The following PDE4B variants were observed in gnomAD, a reference collection of about 807,000 sequenced individuals.
The protein encoded by PDE4B is phosphodiesterase 4B, also known as 3',5'-cyclic-AMP phosphodiesterase 4B.
In PDE4B, 20 loss-of-function variants were observed where a neutral mutation model predicts 82.2. The ratio of observed to expected loss-of-function variants is 0.24; its 90% CI spans 0.17 to 0.35. PDE4B has a LOEUF of 0.35. PDE4B is among the 10% of genes least tolerant of loss of function. PDE4B has a pLI of 1.00. For synonymous variants in PDE4B, 320 were observed against 318.9 expected, an observed-to-expected ratio of 1.00 and a Z score of -0.04; for missense variants, 655 against 907.2, an observed-to-expected ratio of 0.72 and a Z score of 3.57.
intron 3 of PDE4B, among the ~76,000 whole-genome samples, chr1:66,223,398 G>A (rs754317121): frequency 3.9e-5 from 6 of 152,204 alleles, no homozygotes; most frequent in Admixed American, 2.6e-4. Context: ...GAGGCCATCA[G>A]AACTAGCTCC....
chr1:66,154,444 G>A (rs1188399393), intron 3 of PDE4B, among the ~76,000 whole-genome samples: 1 of 152,176 alleles, frequency 6.6e-6, no homozygotes, highest in African/African-American at 2.4e-5. Flanking sequence ...AGGGCAAAGA[G>A]AAGAGAAGAG....
At chr1:66,331,284 G>A (rs1660088214) in intron 7 of PDE4B, among the ~76,000 whole-genome samples, 1 of 152,136 alleles carries the variant, frequency 6.6e-6, no homozygotes, top group African/African-American at 2.4e-5. Context: ...AGTGCCTATT[G>A]TGTGTTTGTA....
intron 1 of PDE4B, among the ~76,000 whole-genome samples, chr1:65,858,829 G>A (rs12129719): frequency 0.43 from 65,786 of 151,854 alleles, 16,152 homozygotes; most frequent in Non-Finnish European, 0.56. Context: ...GACCATTCTG[G>A]TGGCCTTTGT....
intron 7 of PDE4B, chr1:66,267,512 G>A (rs1429806435): frequency 1.3e-5 from 2 of 152,156 alleles, no homozygotes; most frequent in Non-Finnish European, 2.9e-5. Context: ...CAAACATTAG[G>A]AGAATATGTA....
intron 3 of PDE4B, among the ~76,000 whole-genome samples, chr1:66,020,890 T>C (rs60926829): frequency 0.021 from 3,218 of 152,278 alleles, 115 homozygotes; most frequent in African/African-American, 0.073. Context: ...GGAATCGCCA[T>C]ACTGTCTTCC....
intron 1 of PDE4B, among the ~76,000 whole-genome samples, chr1:65,809,850 G>C (rs1188655639): frequency 6.6e-6 from 1 of 152,216 alleles, no homozygotes; most frequent in Non-Finnish European, 1.5e-5. Context: ...CAGCATTAAT[G>C]ATCATTTTTA....
At position 66,106,143 on chromosome 1, in the gene PDE4B, G is replaced by T. The variant is rs201457733; in HGVS notation, c.282-141317G>T. 7.9e-5 allele frequency among the ~76,000 whole-genome samples: 12 copies of T among 152,220 alleles called. No homozygotes were observed. In the East Asian group the frequency reaches 2.3e-3, roughly 29 times the overall value. ...ATACCTAATTTATTGAGAGTTTTTA[G>T]CATGAAGCATTGTTGAATTTTGTCA... On this transcript the variant is annotated intron_variant, in intron 3 of 16. Coordinates refer to ENST00000341517, the MANE Select transcript of PDE4B (RefSeq NM_002600.4).
chr1:65,978,833 A>T (rs1650542688), intron 3 of PDE4B, among the ~76,000 whole-genome samples: 1 of 152,218 alleles, frequency 6.6e-6, no homozygotes, highest in South Asian at 2.1e-4. Flanking sequence ...ATGCAGATTT[A>T]TAGGTCTCTC....
intron 3 of PDE4B, among the ~76,000 whole-genome samples, chr1:66,053,762 G>A (rs1427124483): frequency 6.6e-6 from 1 of 152,184 alleles, no homozygotes; most frequent in East Asian, 1.9e-4. Flanking sequence ...GGGAGGCTGA[G>A]GCAGGAGAAT....
At chr1:66,021,985 T>C (rs962852099) in intron 3 of PDE4B, among the ~76,000 whole-genome samples, 7 of 152,198 alleles carry the variant, frequency 4.6e-5, no homozygotes, top group South Asian at 2.1e-4. Context: ...TCTTTTATTT[T>C]GTTGAGCAGT....
chr1:66,312,768 G>A (rs1323336685), intron 7 of PDE4B, among the ~76,000 whole-genome samples: 2 of 152,178 alleles, frequency 1.3e-5, no homozygotes, highest in East Asian at 1.9e-4. Context: ...CAAATAAAGT[G>A]TTACTGGAAC....
At chr1:66,211,028 A>C (rs1318294588) in intron 3 of PDE4B, among the ~76,000 whole-genome samples, 1 of 152,192 alleles carries the variant, frequency 6.6e-6, no homozygotes, top group African/African-American at 2.4e-5. Context: ...CTTGCCTTCT[A>C]ATTATGACAT....
chr1:66,346,079 TG>T (rs1661374169), intron 8 of PDE4B, among the ~76,000 whole-genome samples: 1 of 152,190 alleles, frequency 6.6e-6, no homozygotes, highest in Admixed American at 6.5e-5. Flanking sequence ...CCACACTCTC[TG>T]GGGAGCCTAT....
intron 8 of PDE4B, chr1:66,354,411 C>T (rs921653883): frequency 1.0e-6 from 1 of 987,098 alleles, no homozygotes; most frequent in Admixed American, 6.1e-5. Flanking sequence ...TAAAAGATGG[C>T]TGTGTTTCCT....
At chr1:65,893,822 G>C (rs1316061435) in intron 1 of PDE4B, among the ~76,000 whole-genome samples, 2 of 152,088 alleles carry the variant, frequency 1.3e-5, no homozygotes, top group Non-Finnish European at 2.9e-5. Flanking sequence ...CCATAAGAGG[G>C]AATGAAATAA....
chr1:65,801,983 G>C (rs185978510), intron 1 of PDE4B, among the ~76,000 whole-genome samples: 1 of 152,278 alleles, frequency 6.6e-6, no homozygotes, highest in Admixed American at 6.5e-5. Flanking sequence ...ATATGACAAG[G>C]AATCTACAGA....
intron 3 of PDE4B, among the ~76,000 whole-genome samples, chr1:66,012,188 A>C (rs916767755): frequency 3.9e-5 from 6 of 152,082 alleles, no homozygotes; most frequent in African/African-American, 1.4e-4. Context: ...CAATCTTTTA[A>C]GGAGTTTATG....
chr1:66,062,076 C>T (rs1035936838), intron 3 of PDE4B, among the ~76,000 whole-genome samples: 2 of 152,208 alleles, frequency 1.3e-5, no homozygotes, highest in Non-Finnish European at 2.9e-5. Flanking sequence ...GTTGCTTATA[C>T]ACCTAGTTTT....
chr1:65,836,936 C>T (rs767919622), intron 1 of PDE4B, among the ~76,000 whole-genome samples: 26 of 152,234 alleles, frequency 1.7e-4, no homozygotes, highest in Non-Finnish European at 2.6e-4. Flanking sequence ...CAGTAAAACA[C>T]GCTGATTCTA....
Sources: gnomAD v4.1 joint callset for allele counts (sites outside exome capture counted in the v4.1 genomes callset) on GRCh38, gnomAD v4.1.1 for gene constraint, MANE v1.5 for transcripts, NCBI Gene and HGNC (gene_info 2026-07-23, HGNC 2026-07-21) for gene names.